NKAIN2: variants seen among roughly 807,000 people sequenced by gnomAD.
NKAIN2 encodes sodium/potassium-transporting ATPase subunit beta-1-interacting protein 2.
In NKAIN2, 14 loss-of-function variants were observed where a neutral mutation model predicts 32.6. The ratio of observed to expected loss-of-function variants is 0.43; its 90% confidence interval spans 0.28 to 0.67. The LOEUF is 0.67. Ranked by LOEUF, NKAIN2 falls within the 30% of genes least tolerant of loss-of-function variation. The probability of loss-of-function intolerance (pLI) is 0.17; values close to 1 mark genes in which losing one functional copy is unlikely to be tolerated. For synonymous variants in NKAIN2, 80 were observed against 87.2 expected (o/e 0.92, Z 0.46); for missense variants, 198 against 258.3 (o/e 0.77, Z 1.60).
chr6:124,082,800 C>A (rs1784034172), intron 1 of NKAIN2, among the ~76,000 whole-genome samples: 1 of 151,746 alleles, frequency 6.6e-6, no homozygotes, highest in Non-Finnish European at 1.5e-5. Context: ...GAAATCAATC[C>A]ATTTGCATTG....
intron 3 of NKAIN2, among the ~76,000 whole-genome samples, chr6:124,638,438 G>T (rs968108279): frequency 6.6e-6 from 1 of 152,128 alleles, no homozygotes; most frequent in Admixed American, 6.6e-5. Flanking sequence ...AAAGCCTTCT[G>T]AACAGCAAAG....
chr6:124,782,714 T>C (rs1779327928), intron 4 of NKAIN2, among the ~76,000 whole-genome samples: 1 of 152,122 alleles, frequency 6.6e-6, no homozygotes, highest in Non-Finnish European at 1.5e-5. Context: ...TACCATTTGC[T>C]CCCCAAAGAG....
At chr6:123,909,000 T>G (rs2114445526) in intron 1 of NKAIN2, among the ~76,000 whole-genome samples, 1 of 152,334 alleles carries the variant, frequency 6.6e-6, no homozygotes, top group South Asian at 2.1e-4. Context: ...ATGTCAGAAA[T>G]TCAGCATGTG....
intron 1 of NKAIN2, among the ~76,000 whole-genome samples, chr6:124,173,922 A>G (rs974224409): frequency 6.6e-6 from 1 of 152,152 alleles, no homozygotes; most frequent in African/African-American, 2.4e-5. Context: ...GGTGATAGCT[A>G]TTATTTTGGA....
intron 2 of NKAIN2, among the ~76,000 whole-genome samples, chr6:124,328,477 C>A (rs1797508502): frequency 6.6e-6 from 1 of 152,164 alleles, no homozygotes; most frequent in African/African-American, 2.4e-5. Context: ...TTGCTATAAT[C>A]TGTAGTGATT....
At chr6:124,260,469 G>A (rs1416745162) in intron 1 of NKAIN2, among the ~76,000 whole-genome samples, 2 of 152,166 alleles carry the variant, frequency 1.3e-5, no homozygotes, top group Non-Finnish European at 2.9e-5. Context: ...AGGTGTCAGG[G>A]AAAAGAGATC....
At chr6:124,013,043 T>C (rs1260309311) in intron 1 of NKAIN2, among the ~76,000 whole-genome samples, 1 of 152,226 alleles carries the variant, frequency 6.6e-6, no homozygotes, top group Non-Finnish European at 1.5e-5. Context: ...TATTAATAGG[T>C]ACCTTATTGT....
chr6:124,579,043 C>T (rs936099554), intron 3 of NKAIN2, among the ~76,000 whole-genome samples: 14 of 152,184 alleles, frequency 9.2e-5, no homozygotes, highest in Admixed American at 2.6e-4. Context: ...GCTTGGGGTA[C>T]TCCCTAATGC....
intron 3 of NKAIN2, among the ~76,000 whole-genome samples, chr6:124,427,284 A>C (rs2114552506): frequency 6.6e-6 from 1 of 152,312 alleles, no homozygotes; most frequent in East Asian, 1.9e-4. Context: ...ATGAACAGAT[A>C]AATTGTGATG....
intron 4 of NKAIN2, among the ~76,000 whole-genome samples, chr6:124,758,217 T>C (rs1261243810): frequency 6.6e-6 from 1 of 152,108 alleles, no homozygotes; most frequent in African/African-American, 2.4e-5. Flanking sequence ...CCCTTGACTT[T>C]CCTGTTACAA....
chr6:124,773,616 T>G (rs967879822), intron 4 of NKAIN2, among the ~76,000 whole-genome samples: 4 of 152,118 alleles, frequency 2.6e-5, no homozygotes, highest in African/African-American at 9.7e-5. Context: ...ACAAGTTATA[T>G]TCAGTTTCTC....
intron 3 of NKAIN2, among the ~76,000 whole-genome samples, chr6:124,477,101 A>G (rs1777249222): frequency 6.6e-6 from 1 of 152,174 alleles, no homozygotes; most frequent in African/African-American, 2.4e-5. Flanking sequence ...TTCCCAAAGT[A>G]CTTAAAATGC....
At chr6:123,830,245 C>T (rs1214787093) in intron 1 of NKAIN2, among the ~76,000 whole-genome samples, 1 of 152,194 alleles carries the variant, frequency 6.6e-6, no homozygotes, top group Non-Finnish European at 1.5e-5. Flanking sequence ...TGGCTCCCCT[C>T]TTGTCTTCTT....
At chr6:124,454,106 T>TG (rs35989042) in intron 3 of NKAIN2, among the ~76,000 whole-genome samples, 3,131 of 60,464 alleles carry the variant, frequency 0.052, 66 homozygotes, top group Non-Finnish European at 0.067. Flanking sequence ...GTTTTTTTTT[T>TG]GGGGGGGGGG....
chr6:124,616,160 A>G (rs1260636247), intron 3 of NKAIN2, among the ~76,000 whole-genome samples: 1 of 151,988 alleles, frequency 6.6e-6, no homozygotes, highest in South Asian at 2.1e-4. Context: ...TTCTGGCTGG[A>G]AACTCTGCAT....
At chr6:124,299,715 CT>C (rs1468453055) in intron 2 of NKAIN2, among the ~76,000 whole-genome samples, 1 of 152,048 alleles carries the variant, frequency 6.6e-6, no homozygotes, top group Non-Finnish European at 1.5e-5. Flanking sequence ...CTTCTGTTTT[CT>C]ATTATCCTAT....
chr6:124,304,004 A>C (rs544870276), intron 2 of NKAIN2, among the ~76,000 whole-genome samples: 1 of 152,162 alleles, frequency 6.6e-6, no homozygotes, highest in Non-Finnish European at 1.5e-5. Flanking sequence ...TGAAAGGCAA[A>C]CCAAGTTTTG....
chr6:124,248,081 C>T (rs1344502688), intron 1 of NKAIN2, among the ~76,000 whole-genome samples: 3 of 151,756 alleles, frequency 2.0e-5, no homozygotes, highest in Non-Finnish European at 4.4e-5. Flanking sequence ...GTAGGAGAGA[C>T]AAAAAAGACA....
At chr6:124,040,946 C>G (rs1421445803) in intron 1 of NKAIN2, among the ~76,000 whole-genome samples, 1 of 152,026 alleles carries the variant, frequency 6.6e-6, no homozygotes, top group African/African-American at 2.4e-5. Flanking sequence ...AACAGAGCCT[C>G]ATTCCGGTTT....
Sources: gnomAD v4.1 joint callset for allele counts (sites outside exome capture counted in the v4.1 genomes callset) on GRCh38, gnomAD v4.1.1 for gene constraint, MANE v1.5 for transcripts, NCBI Gene and HGNC (gene_info 2026-07-23, HGNC 2026-07-21) for gene names.